The following MEF2A variants were observed in gnomAD, a reference collection of about 807,000 sequenced individuals.
The protein encoded by MEF2A is myocyte enhancer factor 2A, also known as myocyte-specific enhancer factor 2A.
In MEF2A, 28 loss-of-function variants were observed where a neutral mutation model predicts 55.8. That is an observed-to-expected ratio of 0.50 (90% CI 0.37 to 0.69). The LOEUF is 0.69. MEF2A is among the 30% of genes least tolerant of loss of function. The pLI is 0.00. For missense variants in MEF2A, 528 were observed against 626.2 expected (o/e 0.84, Z 1.67); for synonymous variants, 239 against 227.1 (o/e 1.05, Z -0.47).
chr15:99,577,048 A>T (rs1427848611), intron 1 of MEF2A, among the ~76,000 whole-genome samples: 1 of 152,248 alleles, frequency 6.6e-6, no homozygotes, highest in Non-Finnish European at 1.5e-5. Context: ...CGTTGCTGTT[A>T]TACTGTTTCG....
intron 4 of MEF2A, among the ~76,000 whole-genome samples, chr15:99,667,373 A>C (rs555823784): frequency 2.0e-5 from 3 of 152,120 alleles, no homozygotes; most frequent in African/African-American, 4.8e-5. Context: ...GGTGCCCGCC[A>C]CCACGCCCAG....
At chr15:99,689,070 A>G (rs559946605) in intron 7 of MEF2A, among the ~76,000 whole-genome samples, 1 of 152,330 alleles carries the variant, frequency 6.6e-6, no homozygotes, top group East Asian at 1.9e-4. Flanking sequence ...TTATATCTCA[A>G]CTAGTACCCA....
chr15:99,635,190 A>G (rs2043575816), intron 3 of MEF2A, among the ~76,000 whole-genome samples: 1 of 152,268 alleles, frequency 6.6e-6, no homozygotes, highest in African/African-American at 2.4e-5. Flanking sequence ...GGGAGAGTTT[A>G]TAGAAGAAAC....
chr15:99,677,210 AC>A, intron 7 of MEF2A, among the ~76,000 whole-genome samples: 1 of 152,290 alleles, frequency 6.6e-6, no homozygotes, highest in Admixed American at 6.5e-5. Context: ...AACTAGGCAC[AC>A]ACACAAATAA....
chr15:99,654,557 T>G lies in MEF2A; in HGVS notation c.258+8793T>G, dbSNP rs1379882331. 2.2e-5 allele frequency among the ~76,000 whole-genome samples: 3 copies of G among 133,362 alleles called. No individual in the cohort carries two copies. The Admixed American group carries it at 2.3e-4, about 10-fold the overall frequency. The allele number at this position is 133,362 out of a possible 152,430, so 87.5% of individuals were successfully genotyped here. ...CCATCTCAAAAAATAAATAAATAAA[T>G]AAATAAAAATAAATTAAAAAAAAAG... On this transcript the variant is annotated intron_variant, in intron 4 of 11. Coordinates refer to ENST00000557942, the MANE Select transcript of MEF2A (RefSeq NM_001319206.4).
intron 8 of MEF2A, among the ~76,000 whole-genome samples, chr15:99,700,716 G>A (rs1380776906): frequency 3.3e-5 from 5 of 152,110 alleles, no homozygotes; most frequent in Admixed American, 6.5e-5. Context: ...TAGAGCTGGG[G>A]CAGGGAAACG....
In MEF2A at chr15:99,654,572, TA is replaced by T. The variant is rs975779378; in HGVS notation, c.258+8817del. On this transcript the variant is annotated intron_variant, in intron 4 of 11. Transcript: ENST00000557942. ...AATAAATAAATAAATAAAAATAAATTAAAAAAAAAGGGGGGGGTATTGGTTA... is the reference window on the plus strand; with the variant it reads ...AATAAATAAATAAATAAAAATAAATTAAAAAAAAGGGGGGGGTATTGGTTA... 6.7e-3 allele frequency among the ~76,000 whole-genome samples: 832 copies of T among 124,230 alleles called. 9 individuals are homozygous for T. Among genetic ancestry groups the T allele is most frequent in the African/African-American group, 0.022 (719 of 32,118 alleles). 81.5% of individuals were successfully genotyped at this position (124,230 alleles called of 152,430 possible).
chr15:99,698,269 T>C (rs1035167077), intron 8 of MEF2A, among the ~76,000 whole-genome samples: 6 of 152,146 alleles, frequency 3.9e-5, no homozygotes, highest in Admixed American at 1.3e-4. Flanking sequence ...TATTTGCAAG[T>C]CACATATCCA....
intron 1 of MEF2A, among the ~76,000 whole-genome samples, chr15:99,568,428 C>G (rs146674208): frequency 1.7e-3 from 262 of 152,172 alleles, no homozygotes; most frequent in African/African-American, 5.3e-3. Context: ...TACAATTTGC[C>G]TTTTCCATCA....
At chr15:99,590,938 T>G (rs1317365158) in intron 1 of MEF2A, among the ~76,000 whole-genome samples, 2 of 148,688 alleles carry the variant, frequency 1.3e-5, no homozygotes, top group Non-Finnish European at 3.0e-5. Flanking sequence ...TAGGTTTCTA[T>G]CTGCTCTTTT....
At chr15:99,685,991 T>C (rs1452423568) in intron 7 of MEF2A, among the ~76,000 whole-genome samples, 1 of 152,188 alleles carries the variant, frequency 6.6e-6, no homozygotes. Flanking sequence ...GTCTCGCTGC[T>C]TGTTATTGGT....
intron 7 of MEF2A, among the ~76,000 whole-genome samples, chr15:99,690,014 A>G (rs776020226): frequency 6.6e-5 from 10 of 152,298 alleles, no homozygotes; most frequent in Non-Finnish European, 1.3e-4. Flanking sequence ...TGTCAATTGG[A>G]GGATTTTGGA....
chr15:99,693,927 C>T (rs1051828984), intron 8 of MEF2A, among the ~76,000 whole-genome samples: 5 of 152,192 alleles, frequency 3.3e-5, no homozygotes, highest in Non-Finnish European at 7.4e-5. Context: ...AGGAAGTTTT[C>T]ATACACCCCA....
At chr15:99,638,926 C>A (rs911471515) in intron 3 of MEF2A, among the ~76,000 whole-genome samples, 5 of 152,056 alleles carry the variant, frequency 3.3e-5, no homozygotes, top group African/African-American at 4.8e-5. Flanking sequence ...TTTCTGATGT[C>A]TTTAAAGAGG....
intron 1 of MEF2A, among the ~76,000 whole-genome samples, chr15:99,574,798 G>A (rs573439355): frequency 5.3e-5 from 8 of 152,268 alleles, no homozygotes; most frequent in South Asian, 2.1e-4. Flanking sequence ...CTATGGCCCC[G>A]GGGTGGGGAC....
At chr15:99,568,000 C>G (rs1298602850) in intron 1 of MEF2A, among the ~76,000 whole-genome samples, 2 of 152,070 alleles carry the variant, frequency 1.3e-5, no homozygotes, top group African/African-American at 4.8e-5. Flanking sequence ...GAGTGTGGTT[C>G]CAGTAGCTAC....
At chr15:99,595,066 A>G (rs1046996307) in intron 1 of MEF2A, among the ~76,000 whole-genome samples, 2 of 152,168 alleles carry the variant, frequency 1.3e-5, no homozygotes, top group African/African-American at 4.8e-5. Context: ...GGTTATGTAT[A>G]GCAGTTAAAA....
intron 5 of MEF2A, among the ~76,000 whole-genome samples, chr15:99,673,517 G>C (rs1597050740): frequency 6.6e-6 from 1 of 152,018 alleles, no homozygotes; most frequent in East Asian, 1.9e-4. Flanking sequence ...TTGTATGTTA[G>C]TCTTTTAAAA....
chr15:99,606,248 G>A (rs748290257), intron 2 of MEF2A, among the ~76,000 whole-genome samples: 2 of 151,960 alleles, frequency 1.3e-5, no homozygotes, highest in Non-Finnish European at 2.9e-5. Context: ...ATCAGTTTAA[G>A]AATGATTCGT....
Sources: gnomAD v4.1 joint callset for allele counts (sites outside exome capture counted in the v4.1 genomes callset) on GRCh38, gnomAD v4.1.1 for gene constraint, MANE v1.5 for transcripts, NCBI Gene and HGNC (gene_info 2026-07-23, HGNC 2026-07-21) for gene names.